Variants in RAB3GAP1 observed in about 807,000 individuals in gnomAD.
RAB3GAP1 encodes RAB3 GTPase activating protein catalytic subunit 1.
RAB3GAP1 carries 86 observed loss-of-function variants against 130.7 expected under a neutral mutation model. The observed-to-expected ratio is 0.66, with a 90% confidence interval of 0.55 to 0.79. The LOEUF (loss-of-function observed/expected upper bound fraction) is 0.79. RAB3GAP1 is among the 30% of genes least tolerant of loss of function. The pLI, the probability that RAB3GAP1 is intolerant of heterozygous loss-of-function variation, is 0.00. For missense variants in RAB3GAP1, 1,029 were observed against 1,169.4 expected (o/e 0.88, Z 1.75); for synonymous variants, 367 against 401.7 (o/e 0.91, Z 1.03).
chr2:135,136,603 A>C, intron 17 of RAB3GAP1: 1 of 568,404 alleles, frequency 1.8e-6, no homozygotes. Flanking sequence ...GTGAATGCTC[A>C]GATGTTTAAA....
chr2:135,167,177 T>C (rs1164454218), intron 23 of RAB3GAP1, among the ~76,000 whole-genome samples: 1 of 152,192 alleles, frequency 6.6e-6, no homozygotes, highest in Non-Finnish European at 1.5e-5. Flanking sequence ...TTTTTATAGC[T>C]TATAGTAATT....
chr2:135,122,458 G>C (rs1573571191), intron 8 of RAB3GAP1, among the ~76,000 whole-genome samples: 1 of 152,126 alleles, frequency 6.6e-6, no homozygotes, highest in Non-Finnish European at 1.5e-5. Context: ...CTGTGAAGAA[G>C]CCCAAGAGTT....
intron 5 of RAB3GAP1, 133 bp from the exon 6 acceptor site, chr2:135,113,018 A>G: frequency 2.4e-6 from 3 of 1,255,400 alleles, no homozygotes; most frequent in East Asian, 4.6e-5. Flanking sequence ...TTCTGTTGCC[A>G]TTAAAAGAAA....
At chr2:135,058,313 A>G (rs556508992) in intron 3 of RAB3GAP1, 65 of 310,128 alleles carry the variant, frequency 2.1e-4, no homozygotes, top group Admixed American at 1.5e-3. Flanking sequence ...GTGTGTGTAT[A>G]TATATATATA....
In RAB3GAP1 at chr2:135,113,197, G is replaced by A; in HGVS notation, c.409G>A (p.Asp137Asn). The A allele has an allele frequency of 1.2e-6, 2 of 1,614,090 alleles. No homozygotes were observed. Among genetic ancestry groups the A allele is most frequent in the Non-Finnish European group, 1.7e-6 (2 of 1,179,964 alleles). Residue 137 changes from aspartate to asparagine, a missense_variant, in exon 6 of 24, where the codon GAC (aspartate) becomes AAC (asparagine). Asp to Asn is a conservative substitution (Grantham distance 23). Coordinates refer to ENST00000264158, the MANE Select transcript of RAB3GAP1 (RefSeq NM_012233.3). ...GGTGATTGCCCCTGCTGCACACAGT[G>A]ACGCTGTTCTCAGCGAATCTAAGTG... ...FVVIAPAAHS[D>N]AVLSESKCNL...
At chr2:135,149,669 T>C (rs572360347) in intron 17 of RAB3GAP1, among the ~76,000 whole-genome samples, 1 of 152,298 alleles carries the variant, frequency 6.6e-6, no homozygotes, top group Non-Finnish European at 1.5e-5. Context: ...CAATTTTTTT[T>C]TGGAGACAGA....
intron 3 of RAB3GAP1, among the ~76,000 whole-genome samples, chr2:135,060,947 G>GCTTGCCTGGGCCTCCCAAAGTGCTGGGA (rs1689153149): frequency 1.3e-5 from 2 of 149,536 alleles, no homozygotes; most frequent in Non-Finnish European, 3.0e-5. Context: ...AAAGCAATCT[G>GCTTGCCTGGGCCTCCCAAAGTGCTGGGA]CTTGCCTGGG....
chr2:135,126,358 T>C, intron 10 of RAB3GAP1, 109 bp downstream of exon 10: 2 of 1,000,256 alleles, frequency 2.0e-6, no homozygotes, highest in Non-Finnish European at 3.0e-6. Context: ...GTTTTGATTT[T>C]AGTGTTCCCT....
chr2:135,105,560 G>GT (rs1033183579), intron 5 of RAB3GAP1, among the ~76,000 whole-genome samples: 1 of 152,160 alleles, frequency 6.6e-6, no homozygotes, highest in African/African-American at 2.4e-5. Flanking sequence ...CTGGAGTGCA[G>GT]TGGCGTGATC....
At chr2:135,127,570 C>T (rs1691392787) in intron 11 of RAB3GAP1, among the ~76,000 whole-genome samples, 1 of 151,986 alleles carries the variant, frequency 6.6e-6, no homozygotes. Context: ...TCTCGATCTC[C>T]TGACCTCATG....
Position 135,115,382 on chromosome 2 carries a change from G to A in RAB3GAP1, c.648+1G>A, listed in dbSNP as rs1463361799. Reference sequence around the variant, plus strand: ...GCTGGATATCTTCAAATCAAAGATTGTGAGTTGGGATTGATATTGTCAGTC... The same window carrying A: ...GCTGGATATCTTCAAATCAAAGATTATGAGTTGGGATTGATATTGTCAGTC... On this transcript the variant is annotated splice_donor_variant, in intron 7 of 23. Transcript: ENST00000264158. LOFTEE classifies it high-confidence loss of function. 6.2e-7 allele frequency: 1 copy of A among 1,608,646 alleles called. No individual in the cohort carries two copies. Among genetic ancestry groups the A allele is most frequent in the Non-Finnish European group, 8.5e-7 (1 of 1,175,374 alleles).
chr2:135,161,737 T>C (rs1431073375), intron 19 of RAB3GAP1, among the ~76,000 whole-genome samples: 2 of 152,190 alleles, frequency 1.3e-5, no homozygotes, highest in African/African-American at 4.8e-5. Context: ...AATAAAACAG[T>C]ATGTAAGTTA....
chr2:135,091,925 A>G (rs1690154774), intron 4 of RAB3GAP1, among the ~76,000 whole-genome samples: 1 of 152,204 alleles, frequency 6.6e-6, no homozygotes, highest in Non-Finnish European at 1.5e-5. Context: ...CACTAAGCAA[A>G]TAAATAGGTA....
chr2:135,096,974 TTAG>T (rs1462968673), intron 5 of RAB3GAP1, among the ~76,000 whole-genome samples: 3 of 152,192 alleles, frequency 2.0e-5, no homozygotes, highest in South Asian at 2.1e-4. Context: ...AAATAACTTG[TTAG>T]TAGGGTGGTT....
chr2:135,086,520 A>G (rs1181009043), intron 3 of RAB3GAP1, among the ~76,000 whole-genome samples: 2 of 152,100 alleles, frequency 1.3e-5, no homozygotes, highest in East Asian at 3.8e-4. Context: ...TTGGTCATTC[A>G]TAGCGCTTTC....
At chr2:135,172,536 C>G (rs1206733041), downstream of RAB3GAP1, among the ~76,000 whole-genome samples, 2 of 152,006 alleles carry the variant, frequency 1.3e-5, no homozygotes, top group East Asian at 3.9e-4. Context: ...TGAGAGCACT[C>G]TGGACTGGTG....
At chr2:135,067,894 C>T (rs936179491) in intron 3 of RAB3GAP1, among the ~76,000 whole-genome samples, 20 of 152,108 alleles carry the variant, frequency 1.3e-4, no homozygotes, top group East Asian at 5.8e-4. Flanking sequence ...CCATGCCCAG[C>T]TAATTGGTTA....
chr2:135,146,879 A>G (rs1284413056), intron 17 of RAB3GAP1, among the ~76,000 whole-genome samples: 1 of 152,098 alleles, frequency 6.6e-6, no homozygotes, highest in East Asian at 1.9e-4. Flanking sequence ...TTCACTCTTG[A>G]TAAACATTCC....
At chr2:135,152,155 T>A (rs1692195491) in intron 18 of RAB3GAP1, among the ~76,000 whole-genome samples, 1 of 152,238 alleles carries the variant, frequency 6.6e-6, no homozygotes, top group Non-Finnish European at 1.5e-5. Flanking sequence ...TGCCTTTACT[T>A]TTTGTATAGG....
Sources: gnomAD v4.1 joint callset for allele counts (sites outside exome capture counted in the v4.1 genomes callset) on GRCh38, gnomAD v4.1.1 for gene constraint, MANE v1.5 for transcripts, NCBI Gene and HGNC (gene_info 2026-07-23, HGNC 2026-07-21) for gene names.